The following TFDP2 variants were observed in gnomAD, a reference collection of about 807,000 sequenced individuals.
TFDP2 encodes the protein transcription factor Dp-2 (E2F dimerization partner 2).
TFDP2 carries 17 observed loss-of-function variants against 59.3 expected under a neutral mutation model. The ratio of observed to expected loss-of-function variants is 0.29; its 90% CI spans 0.20 to 0.43. The LOEUF (loss-of-function observed/expected upper bound fraction) is 0.43. Among genes scored for constraint, TFDP2 ranks in the 20% least tolerant of loss-of-function variants. The pLI is 1.00. For missense variants in TFDP2, 391 were observed against 528.8 expected (o/e 0.74, Z 2.56); for synonymous variants, 180 against 194.7 (o/e 0.92, Z 0.63).
rs569809801 is a variant in TFDP2, at chr3:142,055,237, C to G, written c.82+37824G>C. Among the ~76,000 whole-genome samples the G allele has an allele frequency of 7.2e-5, 11 of 152,152 alleles. No homozygotes were observed. The East Asian group carries it at 2.1e-3, about 29-fold the overall frequency. On this transcript the variant is annotated intron_variant, in intron 3 of 12. Coordinates refer to ENST00000489671, the MANE Select transcript of TFDP2 (RefSeq NM_001178139.2). The stretch of plus-strand genomic sequence containing the variant: ...ATTTTATTCTTCTGGTGTGTTGTGG[C>G]CATAGTAATCCATCTCAGTAAGAGA...
chr3:142,069,787 T>G (rs2060184177), intron 3 of TFDP2, among the ~76,000 whole-genome samples: 1 of 151,896 alleles, frequency 6.6e-6, no homozygotes, highest in Admixed American at 6.6e-5. Context: ...TTTTGTATTT[T>G]TAGTAGAGAC....
rs61576382 is a variant in TFDP2, at chr3:142,040,114, AACACACACACAC to A, written c.83-34582_83-34571del. On this transcript the variant is annotated intron_variant, in intron 3 of 12. Coordinates refer to ENST00000489671, the MANE Select transcript of TFDP2 (RefSeq NM_001178139.2). ...AAATTATAAGACATACACAAAATAAAACACACACACACACACACACACACAGGCATGCACATT... is the reference window on the plus strand; with the variant it reads ...AAATTATAAGACATACACAAAATAAAACACACACACACAGGCATGCACATT... Among the ~76,000 whole-genome samples the A allele has an allele frequency of 3.3e-5, 5 of 150,316 alleles. No homozygotes were observed. The South Asian group carries it at 6.3e-4, about 19-fold the overall frequency.
At position 141,969,219 on chromosome 3, in the gene TFDP2, C is replaced by A. The variant is rs1357310813; in HGVS notation, c.732+854G>T. On this transcript the variant is annotated intron_variant, in intron 9 of 12. Transcript: ENST00000489671. ...ATATATATATAACATATATATATATCTCATATATATGAGATATATATATAT... is the reference window on the plus strand; with the variant it reads ...ATATATATATAACATATATATATATATCATATATATGAGATATATATATAT... Among the ~76,000 whole-genome samples, 6 of 93,092 alleles carry A rather than the reference C, an allele frequency of 6.4e-5. No individual in the cohort carries two copies. In the South Asian group the frequency reaches 1.2e-3, roughly 19 times the overall value. 61.1% of individuals were successfully genotyped at this position (93,092 alleles called of 152,430 possible). A position where few individuals can be genotyped will look rare whatever the true frequency, so the allele number is the denominator to read the frequency against.
intron 3 of TFDP2, among the ~76,000 whole-genome samples, chr3:142,082,491 G>C (rs949982247): frequency 6.6e-6 from 1 of 152,100 alleles, no homozygotes; most frequent in African/African-American, 2.4e-5. Context: ...TTGAAATGGA[G>C]GAGAGATGAA....
At chr3:141,959,210 C>T (rs1250790680) in intron 11 of TFDP2, among the ~76,000 whole-genome samples, 1 of 152,104 alleles carries the variant, frequency 6.6e-6, no homozygotes, top group Non-Finnish European at 1.5e-5. Context: ...CCCGTCTTGG[C>T]TTCCCAAAGT....
At chr3:142,020,476 G>A (rs530093835) in intron 3 of TFDP2, among the ~76,000 whole-genome samples, 15 of 151,224 alleles carry the variant, frequency 9.9e-5, no homozygotes, top group African/African-American at 3.4e-4. Context: ...TGGAGGTTGC[G>A]GTGAGCCGAG....
At chr3:142,080,515 T>A (rs919895510) in intron 3 of TFDP2, among the ~76,000 whole-genome samples, 2 of 152,006 alleles carry the variant, frequency 1.3e-5, no homozygotes, top group African/African-American at 4.8e-5. Flanking sequence ...TAACATCGAA[T>A]GAAAACGGAC....
intron 6 of TFDP2, among the ~76,000 whole-genome samples, chr3:141,987,608 G>A (rs1463081026): frequency 1.3e-5 from 2 of 150,730 alleles, no homozygotes; most frequent in South Asian, 2.1e-4. Context: ...GTGTGTATGC[G>A]TGCGTGCATG....
chr3:141,957,884 G>C (rs1024616143), intron 11 of TFDP2, among the ~76,000 whole-genome samples: 2 of 152,160 alleles, frequency 1.3e-5, no homozygotes, highest in Non-Finnish European at 2.9e-5. Flanking sequence ...AAATATTCTG[G>C]AATCAGATAG....
At chr3:141,968,425 CAT>C (rs1342484878) in intron 9 of TFDP2, among the ~76,000 whole-genome samples, 1 of 70,692 alleles carries the variant, frequency 1.4e-5, no homozygotes, top group South Asian at 3.6e-4. Context: ...ATATATATCT[CAT>C]ATATAGATAT....
intron 3 of TFDP2, among the ~76,000 whole-genome samples, chr3:142,009,775 A>G (rs1560024031): frequency 2.0e-5 from 3 of 151,964 alleles, no homozygotes; most frequent in Non-Finnish European, 2.9e-5. Flanking sequence ...ACAGTCCAGA[A>G]ATAATTTCAC....
chr3:142,131,275 T>C (rs1347121245), intron 1 of TFDP2, among the ~76,000 whole-genome samples: 1 of 149,924 alleles, frequency 6.7e-6, no homozygotes, highest in Admixed American at 6.6e-5. Flanking sequence ...TAATCCAAAT[T>C]TGAATACATT....
intron 3 of TFDP2, among the ~76,000 whole-genome samples, chr3:142,046,251 G>A (rs1188331903): frequency 6.6e-6 from 1 of 152,106 alleles, no homozygotes; most frequent in Non-Finnish European, 1.5e-5. Flanking sequence ...GTCAAAAACA[G>A]GACCTAACCA....
intron 3 of TFDP2, among the ~76,000 whole-genome samples, chr3:142,020,864 G>A (rs891262334): frequency 6.6e-5 from 10 of 151,570 alleles, no homozygotes; most frequent in Non-Finnish European, 1.5e-4. Context: ...ACACACTTAT[G>A]GTCCCAGCTA....
rs752649600 is a variant in TFDP2 at position 141,978,521 on chromosome 3, G to A, written c.518C>T (p.Ser173Leu). Residue 173 changes from serine to leucine, a missense_variant and splice_region_variant, in exon 7 of 13, where the codon TCG (serine) becomes TTG (leucine). By Grantham distance (145) the Ser-to-Leu change is moderately radical. Around this residue, in one of 3 missense-constraint regions of TFDP2, gnomAD observed 162 missense variants for 206.8 expected, o/e 0.78. Transcript: ENST00000489671. ...ATGTCAGGTTCATGATTTACATACC[G>A]AATCAGCAGCCAAATGGTTATTTGA... ...TNSNNHLAAD[S>L]AYDQKNIRRR... 1.6e-5 allele frequency: 26 copies of A among 1,605,402 alleles called. No individual in the cohort carries two copies. The highest frequency in any genetic ancestry group is 6.9e-5 in the Admixed American group (4 of 57,840).
In TFDP2 at chr3:142,149,332, G is replaced by T. The variant is rs1432396304; in HGVS notation, c.-242C>A. The T allele has an allele frequency of 5.1e-6, 2 of 393,944 alleles. No homozygotes were observed. Among genetic ancestry groups the T allele is most frequent in the South Asian group, 1.4e-4 (1 of 7,196 alleles). 24.4% of individuals were successfully genotyped at this position (393,944 alleles called of 1,614,324 possible). ...ACACCCGGGGAGACGCGGCCTGCCC[G>T]GTCAAGGCCCAGGAGTTTGAGGCCC... is the stretch of plus-strand genomic sequence containing the variant. On this transcript the variant is annotated 5_prime_UTR_variant, in exon 1 of 13. Transcript: ENST00000489671.
chr3:142,104,449 G>A (rs1246552904), intron 1 of TFDP2, among the ~76,000 whole-genome samples: 2 of 151,816 alleles, frequency 1.3e-5, no homozygotes, highest in East Asian at 3.9e-4. Flanking sequence ...ATCTCTTTAG[G>A]CACAAATTTA....
At chr3:142,021,535 T>C (rs1251590947) in intron 3 of TFDP2, among the ~76,000 whole-genome samples, 1 of 152,248 alleles carries the variant, frequency 6.6e-6, no homozygotes, top group Non-Finnish European at 1.5e-5. Flanking sequence ...CAGTCTTTCC[T>C]ACATACTTTC....
chr3:142,068,216 G>GAT (rs1449121403), intron 3 of TFDP2, among the ~76,000 whole-genome samples: 10 of 152,012 alleles, frequency 6.6e-5, no homozygotes, highest in Non-Finnish European at 1.0e-4. Flanking sequence ...AAATGAACTG[G>GAT]ATATCTACAT....
Sources: gnomAD v4.1 joint callset for allele counts (sites outside exome capture counted in the v4.1 genomes callset) on GRCh38, gnomAD v4.1.1 for gene constraint, gnomAD v4.1.1 regional missense constraint, MANE v1.5 for transcripts, NCBI Gene and HGNC (gene_info 2026-07-23, HGNC 2026-07-21) for gene names.